The following NME7 variants were observed in gnomAD, a reference collection of about 807,000 sequenced individuals.
The protein encoded by NME7 is nucleoside diphosphate kinase 7.
In NME7, 41 loss-of-function variants were observed where a neutral mutation model predicts 49.1. The observed-to-expected ratio is 0.83, with a 90% confidence interval of 0.65 to 1.08. NME7 has a LOEUF of 1.08. NME7 is among the 50% of genes least tolerant of loss of function. NME7 has a pLI of 0.00. For synonymous variants in NME7, 139 were observed against 150.6 expected (o/e 0.92, Z 0.56); for missense variants, 423 against 463.4 (o/e 0.91, Z 0.80).
intron 1 of NME7, 141 bp from the exon 2 acceptor site, chr1:169,324,641 A>G: frequency 1.7e-6 from 1 of 590,846 alleles, no homozygotes; most frequent in Non-Finnish European, 3.0e-6. Flanking sequence ...GCTTTTCAAC[A>G]AAGTATCAGT....
chr1:169,169,258 T>G (rs1467917689), intron 11 of NME7, among the ~76,000 whole-genome samples, 189 bp downstream of exon 11: 1 of 152,022 alleles, frequency 6.6e-6, no homozygotes, highest in Non-Finnish European at 1.5e-5. Flanking sequence ...CTAATGTAGG[T>G]GATGGGTTGA....
chr1:169,278,242 C>A (rs12097793), intron 7 of NME7, among the ~76,000 whole-genome samples: 89,064 of 141,880 alleles, frequency 0.63, 28,822 homozygotes, highest in East Asian at 0.92. Context: ...CTGCCTTGCT[C>A]GTTTGGGGAA....
At chr1:169,341,859 G>A (rs534141295) in intron 1 of NME7, among the ~76,000 whole-genome samples, 18 of 152,198 alleles carry the variant, frequency 1.2e-4, no homozygotes, top group African/African-American at 3.6e-4. Flanking sequence ...CTCCCATTTC[G>A]AATGGGAACA....
At chr1:169,346,555 C>T (rs1652956669) in intron 1 of NME7, among the ~76,000 whole-genome samples, 2 of 152,194 alleles carry the variant, frequency 1.3e-5, no homozygotes, top group African/African-American at 4.8e-5. Flanking sequence ...AAATTACATT[C>T]AACACCACTA....
At chr1:169,186,831 A>G (rs1660079585) in intron 10 of NME7, among the ~76,000 whole-genome samples, 1 of 151,320 alleles carries the variant, frequency 6.6e-6, no homozygotes, top group African/African-American at 2.4e-5. Flanking sequence ...TGGTTTTTTT[A>G]ATTGTGATGT....
At chr1:169,205,382 C>T (rs1272445091) in intron 10 of NME7, among the ~76,000 whole-genome samples, 1 of 151,966 alleles carries the variant, frequency 6.6e-6, no homozygotes, top group Non-Finnish European at 1.5e-5. Context: ...CAAGGTTGCC[C>T]AAAACTCATT....
chr1:169,162,740 G>A (rs1379472187), intron 11 of NME7, among the ~76,000 whole-genome samples: 2 of 152,122 alleles, frequency 1.3e-5, no homozygotes, highest in Non-Finnish European at 2.9e-5. Flanking sequence ...TCAGGAGGCT[G>A]AGGCAGGAGG....
chr1:169,247,455 T>C (rs1648369844), intron 7 of NME7, among the ~76,000 whole-genome samples: 1 of 152,214 alleles, frequency 6.6e-6, no homozygotes. Context: ...ATGCAGGGGC[T>C]ATTCTCATTA....
intron 10 of NME7, among the ~76,000 whole-genome samples, chr1:169,206,783 G>A (rs1660686275): frequency 6.6e-6 from 1 of 152,104 alleles, no homozygotes; most frequent in African/African-American, 2.4e-5. Flanking sequence ...AGCAATGACT[G>A]TAAATGATGT....
intron 1 of NME7, among the ~76,000 whole-genome samples, chr1:169,338,048 A>C (rs529920092): frequency 6.6e-6 from 1 of 152,322 alleles, no homozygotes; most frequent in East Asian, 1.9e-4. Context: ...TAATTTGTCA[A>C]CTCCAACTTA....
intron 10 of NME7, among the ~76,000 whole-genome samples, chr1:169,215,849 A>G (rs1261668819): frequency 3.9e-5 from 6 of 152,252 alleles, no homozygotes; most frequent in African/African-American, 1.4e-4. Context: ...AATAAGTCAG[A>G]GAAAGACAAG....
chr1:169,149,157 A>G (rs1239766921), intron 11 of NME7, among the ~76,000 whole-genome samples: 1 of 152,160 alleles, frequency 6.6e-6, no homozygotes, highest in Non-Finnish European at 1.5e-5. Context: ...CCTGGCTAAC[A>G]TGGTGAAATC....
Position 169,303,140 on chromosome 1 carries a change from C to A in NME7, c.440+5G>T. 6.4e-7 allele frequency: 1 copy of A among 1,561,248 alleles called. No homozygotes were observed. Among genetic ancestry groups the A allele is most frequent in the Non-Finnish European group, 8.7e-7 (1 of 1,145,624 alleles). Reference sequence around the variant, plus strand: ...ATACCACTAATCCCCAAATTAAGGACCTACTTGAAAAAGGGTCTTGACTGG... The same window carrying A: ...ATACCACTAATCCCCAAATTAAGGAACTACTTGAAAAAGGGTCTTGACTGG... On this transcript the variant is annotated splice_donor_5th_base_variant and intron_variant, in intron 5 of 11. Coordinates refer to ENST00000367811, the MANE Select transcript of NME7 (RefSeq NM_013330.5).
At chr1:169,218,659 A>ATTTTTTTTT (rs34342694) in intron 10 of NME7, among the ~76,000 whole-genome samples, 1 of 118,172 alleles carries the variant, frequency 8.5e-6, no homozygotes, top group East Asian at 2.7e-4. Context: ...CCAATTTTGA[A>ATTTTTTTTT]TTTTTTTTTT....
chr1:169,256,297 G>A lies in NME7; in HGVS notation c.755-18610C>T, dbSNP rs928157449. Among the ~76,000 whole-genome samples, 43 of 132,348 alleles carry A rather than the reference G, an allele frequency of 3.2e-4. 6 individuals are homozygous for A. Among genetic ancestry groups the A allele is most frequent in the Admixed American group, 1.6e-3 (21 of 13,518 alleles). The allele number at this position is 132,348 out of a possible 152,430, so 86.8% of individuals were successfully genotyped here. Reference sequence around the variant, plus strand: ...CTTTTTTCTCTAAACTTTCCTTCTCGCTTCATTTCATTCATTTCATCTTCC... The same window carrying A: ...CTTTTTTCTCTAAACTTTCCTTCTCACTTCATTTCATTCATTTCATCTTCC... On this transcript the variant is annotated intron_variant, in intron 7 of 11. Transcript: ENST00000367811.
rs140658136 is a variant in NME7 at position 169,279,819 on chromosome 1, C to T, written c.754+7484G>A. ...GCTGTAGACTGGAGCTGTTCCTATT[C>T]GGCCATCTTGGCTCCTCCCCACATT... On this transcript the variant is annotated intron_variant, in intron 7 of 11. Transcript: ENST00000367811. Among the ~76,000 whole-genome samples, 959 of 152,246 alleles carry T rather than the reference C, an allele frequency of 6.3e-3. 11 individuals are homozygous for T. The highest frequency in any genetic ancestry group is 0.021 in the African/African-American group (893 of 41,572).
chr1:169,321,911 T>C (rs576934065), intron 3 of NME7, among the ~76,000 whole-genome samples: 4 of 151,418 alleles, frequency 2.6e-5, no homozygotes, highest in African/African-American at 9.7e-5. Flanking sequence ...TAATCCCTAT[T>C]TTAATTACAG....
chr1:169,195,793 A>G (rs1042870062), intron 10 of NME7, among the ~76,000 whole-genome samples: 3 of 152,208 alleles, frequency 2.0e-5, no homozygotes, highest in Non-Finnish European at 4.4e-5. Context: ...ACTTTTCTGA[A>G]TATATCAGTG....
Position 169,230,743 on chromosome 1 carries a change from C to T in NME7, c.965G>A (p.Arg322Gln), listed in dbSNP as rs766542217. The T allele has an allele frequency of 6.2e-6, 10 of 1,601,774 alleles. No individual in the cohort carries two copies. The highest frequency in any genetic ancestry group is 1.3e-5 in the African/African-American group (1 of 74,766). Reference protein sequence around the residue: ...IQQNNATKTFREFCGPADPEI... With the variant: ...IQQNNATKTFQEFCGPADPEI... ...AGGATCAGCAGGTCCACAAAATTCT[C>T]GAAATGTCTTTGTAGCATTATTCTG... Residue 322 changes from arginine to glutamine, a missense_variant, in exon 10 of 12, where the codon CGA becomes CAA. Physicochemically the swap from Arg to Gln is conservative, Grantham distance 43 (BLOSUM62 1). Transcript: ENST00000367811.
Sources: allele counts gnomAD v4.1 joint callset (sites outside exome capture counted in the v4.1 genomes callset), GRCh38; gene constraint gnomAD v4.1.1; transcripts MANE v1.5; gene names NCBI Gene and HGNC (gene_info 2026-07-23, HGNC 2026-07-21).